The following AUTS2 variants were observed in gnomAD, a reference collection of about 807,000 sequenced individuals.
AUTS2 encodes activator of transcription and developmental regulator AUTS2, also known as autism susceptibility gene 2 protein.
Under a neutral mutation model 112.4 loss-of-function variants are expected in AUTS2, and 17 were observed. The ratio of observed to expected loss-of-function variants is 0.15; its 90% CI spans 0.10 to 0.23. AUTS2 has a LOEUF of 0.23. Among genes scored for constraint, AUTS2 ranks in the 10% least tolerant of loss-of-function variants. The probability of loss-of-function intolerance (pLI) is 1.00; values close to 1 mark genes in which losing one functional copy is unlikely to be tolerated. For missense variants in AUTS2, 1,510 were observed against 1,701.6 expected, an observed-to-expected ratio of 0.89 and a Z score of 1.98; for synonymous variants, 751 against 702.7, an observed-to-expected ratio of 1.07 and a Z score of -1.09.
intron 3 of AUTS2, among the ~76,000 whole-genome samples, chr7:70,133,979 C>T (rs996640408): frequency 3.9e-5 from 6 of 152,106 alleles, no homozygotes; most frequent in African/African-American, 1.4e-4. Flanking sequence ...CTACTAATTA[C>T]GTTTACAAAA....
chr7:69,952,237 CT>C (rs1310511975), intron 2 of AUTS2, among the ~76,000 whole-genome samples: 2 of 152,026 alleles, frequency 1.3e-5, no homozygotes, highest in South Asian at 4.1e-4. Flanking sequence ...TGTACCCATA[CT>C]TTTTGTCATA....
At chr7:69,881,181 A>G (rs1794026069) in intron 1 of AUTS2, among the ~76,000 whole-genome samples, 1 of 152,242 alleles carries the variant, frequency 6.6e-6, no homozygotes, top group South Asian at 2.1e-4. Flanking sequence ...CTAGGTAATT[A>G]CATTCATTAA....
chr7:69,602,252 A>G (rs562149508), intron 1 of AUTS2, among the ~76,000 whole-genome samples: 1 of 152,204 alleles, frequency 6.6e-6, no homozygotes, highest in East Asian at 1.9e-4. Flanking sequence ...AAAGCAGACC[A>G]AGTTCAAAAT....
intron 4 of AUTS2, among the ~76,000 whole-genome samples, chr7:70,389,842 A>G (rs1315706935): frequency 6.6e-6 from 1 of 152,136 alleles, no homozygotes; most frequent in Non-Finnish European, 1.5e-5. Flanking sequence ...TTTCACAGGA[A>G]CTTTTCAGTG....
At chr7:70,637,219 G>A (rs1805576948) in intron 5 of AUTS2, among the ~76,000 whole-genome samples, 1 of 152,118 alleles carries the variant, frequency 6.6e-6, no homozygotes, top group African/African-American at 2.4e-5. Context: ...TTCTCATCCT[G>A]GCTTAACCAT....
intron 4 of AUTS2, among the ~76,000 whole-genome samples, chr7:70,173,384 GAA>G (rs1012724566): frequency 6.6e-6 from 1 of 151,604 alleles, no homozygotes; most frequent in African/African-American, 2.4e-5. Context: ...AAGAAAGAGA[GAA>G]AGAAAATGTT....
chr7:69,637,448 T>C (rs1794600708), intron 1 of AUTS2, among the ~76,000 whole-genome samples: 1 of 152,242 alleles, frequency 6.6e-6, no homozygotes, highest in Non-Finnish European at 1.5e-5. Flanking sequence ...CCCTGAAATT[T>C]ACGTCAGCCT....
chr7:70,569,986 G>T (rs1801870127), intron 5 of AUTS2, among the ~76,000 whole-genome samples: 1 of 152,102 alleles, frequency 6.6e-6, no homozygotes. Context: ...TAATGAGATG[G>T]TTCAAACCTG....
intron 2 of AUTS2, among the ~76,000 whole-genome samples, chr7:70,090,009 C>CAAACAAATAAAT (rs1554307468): frequency 2.1e-5 from 3 of 144,416 alleles, no homozygotes; most frequent in South Asian, 2.2e-4. Context: ...TGTTTCAAAA[C>CAAACAAATAAAT]AAATAAATAA....
chr7:70,716,286 T>C (rs1563148063), intron 6 of AUTS2, among the ~76,000 whole-genome samples: 1 of 152,156 alleles, frequency 6.6e-6, no homozygotes. Context: ...CTTTCTCTTA[T>C]ACCAGCCCAG....
chr7:69,761,375 C>T, intron 1 of AUTS2, among the ~76,000 whole-genome samples: 1 of 152,148 alleles, frequency 6.6e-6, no homozygotes, highest in Admixed American at 6.5e-5. Context: ...TTGAAACATA[C>T]AGCTTGTTAT....
intron 1 of AUTS2, among the ~76,000 whole-genome samples, chr7:69,619,280 A>G (rs573777299): frequency 1.3e-5 from 2 of 152,336 alleles, no homozygotes; most frequent in South Asian, 4.1e-4. Context: ...TCAGGAACTT[A>G]GAGAGTAGGA....
chr7:70,675,213 C>T (rs1444349277), intron 5 of AUTS2, among the ~76,000 whole-genome samples: 1 of 152,248 alleles, frequency 6.6e-6, no homozygotes, highest in East Asian at 1.9e-4. Context: ...TGTTTGGTGA[C>T]CAGGCGCAGT....
chr7:70,013,487 A>C (rs1040872185), intron 2 of AUTS2, among the ~76,000 whole-genome samples: 1 of 152,188 alleles, frequency 6.6e-6, no homozygotes, highest in Non-Finnish European at 1.5e-5. Context: ...CATTCAGTTT[A>C]TCTCTATCCC....
intron 2 of AUTS2, among the ~76,000 whole-genome samples, chr7:69,951,858 G>A (rs1305640520): frequency 1.3e-5 from 2 of 152,112 alleles, no homozygotes; most frequent in South Asian, 2.1e-4. Flanking sequence ...TTTAACTCTC[G>A]ATTATTTGTG....
intron 1 of AUTS2, among the ~76,000 whole-genome samples, chr7:69,827,904 A>G (rs986667895): frequency 2.6e-5 from 4 of 152,094 alleles, no homozygotes; most frequent in Non-Finnish European, 5.9e-5. Flanking sequence ...CTCTTCTTTT[A>G]ATTTTGCCTC....
At chr7:70,267,131 C>T (rs1410917668) in intron 4 of AUTS2, among the ~76,000 whole-genome samples, 1 of 152,184 alleles carries the variant, frequency 6.6e-6, no homozygotes, top group Admixed American at 6.6e-5. Flanking sequence ...TTATAGACAT[C>T]CCTATATCAG....
At chr7:70,509,534 TTTAGTTTACAGA>T (rs1362214174) in intron 5 of AUTS2, among the ~76,000 whole-genome samples, 1 of 152,218 alleles carries the variant, frequency 6.6e-6, no homozygotes, top group Non-Finnish European at 1.5e-5. Context: ...GGGAGGATTC[TTTAGTTTACAGA>T]TTAAACTAAG....
chr7:70,473,230 C>A (rs1049233025), intron 5 of AUTS2, among the ~76,000 whole-genome samples: 1 of 152,142 alleles, frequency 6.6e-6, no homozygotes, highest in East Asian at 1.9e-4. Context: ...CACATACATT[C>A]CAATTTTATA....
Sources: allele counts gnomAD v4.1 joint callset (sites outside exome capture counted in the v4.1 genomes callset), GRCh38; gene constraint gnomAD v4.1.1; transcripts MANE v1.5; gene names NCBI Gene and HGNC (gene_info 2026-07-23, HGNC 2026-07-21).